Variants in HCN1 observed in about 807,000 individuals in gnomAD.
The protein encoded by HCN1 is hyperpolarization activated cyclic nucleotide gated potassium channel 1.
HCN1 carries 13 observed loss-of-function variants against 78.9 expected under a neutral mutation model. That is an observed-to-expected ratio of 0.16 (90% CI 0.11 to 0.26). HCN1 has a LOEUF of 0.26. HCN1 is among the 10% of genes least tolerant of loss of function. The pLI is 1.00. For missense variants in HCN1, 810 were observed against 1,154.3 expected, an observed-to-expected ratio of 0.70 and a Z score of 4.32; for synonymous variants, 552 against 455.5, an observed-to-expected ratio of 1.21 and a Z score of -2.70.
At chr5:45,500,477 G>A (rs540596191) in intron 2 of HCN1, among the ~76,000 whole-genome samples, 1 of 152,296 alleles carries the variant, frequency 6.6e-6, no homozygotes, top group Non-Finnish European at 1.5e-5. Flanking sequence ...CCTAAAATTA[G>A]TGGATAATAT....
chr5:45,438,912 A>C (rs903453427), intron 3 of HCN1, among the ~76,000 whole-genome samples: 8 of 152,166 alleles, frequency 5.3e-5, no homozygotes, highest in African/African-American at 1.9e-4. Flanking sequence ...CTAGCTATAG[A>C]AAGAGTATGG....
chr5:45,486,393 A>G (rs956507926), intron 2 of HCN1, among the ~76,000 whole-genome samples: 11 of 152,302 alleles, frequency 7.2e-5, no homozygotes, highest in African/African-American at 2.6e-4. Context: ...AATTCATTCT[A>G]TTACAAAAAC....
At chr5:45,404,291 C>A (rs561331779) in intron 3 of HCN1, among the ~76,000 whole-genome samples, 1 of 152,106 alleles carries the variant, frequency 6.6e-6, no homozygotes, top group South Asian at 2.1e-4. Context: ...AAGTGTTTTA[C>A]CATACAGTCC....
chr5:45,436,451 A>G (rs1476408598), intron 3 of HCN1, among the ~76,000 whole-genome samples: 1 of 152,186 alleles, frequency 6.6e-6, no homozygotes, highest in Non-Finnish European at 1.5e-5. Flanking sequence ...AATCCACTGA[A>G]TTTTAATATA....
intron 2 of HCN1, among the ~76,000 whole-genome samples, chr5:45,510,740 G>A (rs1412916900): frequency 1.3e-5 from 2 of 151,940 alleles, no homozygotes; most frequent in Admixed American, 6.6e-5. Context: ...CCACATTCCA[G>A]GTGGGCAAAA....
chr5:45,261,824 A>T lies in HCN1; in HGVS notation c.*97T>A. 1 of 1,458,014 alleles carries T rather than the reference A, an allele frequency of 6.9e-7. No homozygotes were observed. The highest frequency in any genetic ancestry group is 9.6e-7 in the Non-Finnish European group (1 of 1,045,748). The allele number at this position is 1,458,014 out of a possible 1,614,324, so 90.3% of individuals were successfully genotyped here. On this transcript the variant is annotated 3_prime_UTR_variant, in exon 8 of 8. Coordinates refer to ENST00000303230, the MANE Select transcript of HCN1 (RefSeq NM_021072.4). ...GCTGTCTAAAATATCTCTTCATAGT[A>T]GGCTAGAGGGATCTATCAGGAGATA...
chr5:45,693,355 T>C (rs929778639), intron 1 of HCN1, among the ~76,000 whole-genome samples: 9 of 151,842 alleles, frequency 5.9e-5, no homozygotes, highest in African/African-American at 2.2e-4. Flanking sequence ...ATTGTAATTA[T>C]GTTTTAAAAT....
At chr5:45,512,182 G>A (rs939838116) in intron 2 of HCN1, among the ~76,000 whole-genome samples, 3 of 152,086 alleles carry the variant, frequency 2.0e-5, no homozygotes, top group South Asian at 4.1e-4. Flanking sequence ...GAGAATAAAA[G>A]TATTTCAATC....
intron 2 of HCN1, among the ~76,000 whole-genome samples, chr5:45,632,192 C>T (rs1745280357): frequency 6.6e-6 from 1 of 151,872 alleles, no homozygotes; most frequent in South Asian, 2.1e-4. Flanking sequence ...AACCTCAATA[C>T]TCCATTCTTC....
At chr5:45,598,438 T>C (rs993472587) in intron 2 of HCN1, among the ~76,000 whole-genome samples, 16 of 152,134 alleles carry the variant, frequency 1.1e-4, no homozygotes, top group African/African-American at 3.9e-4. Flanking sequence ...AAGACTTAAA[T>C]GTTAGACCTA....
intron 2 of HCN1, among the ~76,000 whole-genome samples, chr5:45,501,426 C>CT (rs1390412549): frequency 9.3e-5 from 14 of 151,290 alleles, no homozygotes; most frequent in South Asian, 2.1e-4. Flanking sequence ...ACAAATTTCA[C>CT]TTTTTTTTTG....
At chr5:45,660,828 G>A (rs1177926996) in intron 1 of HCN1, among the ~76,000 whole-genome samples, 2 of 133,018 alleles carry the variant, frequency 1.5e-5, no homozygotes, top group Admixed American at 7.8e-5. Context: ...CATACAAAGA[G>A]ACTTAGACTC....
At chr5:45,338,746 G>T (rs1746515271) in intron 5 of HCN1, among the ~76,000 whole-genome samples, 1 of 152,040 alleles carries the variant, frequency 6.6e-6, no homozygotes, top group Non-Finnish European at 1.5e-5. Context: ...CTATCACTGT[G>T]ACTTGAATGT....
chr5:45,650,379 C>T (rs138755463), intron 1 of HCN1, among the ~76,000 whole-genome samples: 19 of 152,064 alleles, frequency 1.2e-4, no homozygotes, highest in African/African-American at 3.9e-4. Context: ...CAAAGCCTAA[C>T]GTCAACAATG....
chr5:45,376,500 C>G (rs1435965464), intron 4 of HCN1, among the ~76,000 whole-genome samples: 1 of 150,158 alleles, frequency 6.7e-6, no homozygotes, highest in African/African-American at 2.4e-5. Context: ...TTGTCAGCCT[C>G]CAGAACTGCA....
Position 45,540,326 on chromosome 5 carries a change from A to ATT in HCN1, c.850-78321_850-78320dup, listed in dbSNP as rs34797116. 1.9e-3 allele frequency among the ~76,000 whole-genome samples: 274 copies of ATT among 143,724 alleles called. 2 individuals carry two copies. The highest frequency in any genetic ancestry group is 7.0e-3 in the Admixed American group (100 of 14,386). 94.3% of individuals were successfully genotyped at this position (143,724 alleles called of 152,430 possible). On this transcript the variant is annotated intron_variant, in intron 2 of 7. Coordinates refer to ENST00000303230, the MANE Select transcript of HCN1 (RefSeq NM_021072.4). ...AAAATACTGTCTTACTATTTTACTG[A>ATT]TTTTTTTTTTTTTTTGAGAGAGAGA...
chr5:45,434,990 T>C (rs1579892574), intron 3 of HCN1, among the ~76,000 whole-genome samples: 1 of 152,072 alleles, frequency 6.6e-6, no homozygotes, highest in Non-Finnish European at 1.5e-5. Context: ...TATATTGTCT[T>C]TATGTTAAGA....
intron 2 of HCN1, chr5:45,575,416 A>G (rs924746368): frequency 4.0e-5 from 6 of 151,816 alleles, no homozygotes; most frequent in Non-Finnish European, 5.9e-5. Flanking sequence ...AACATCACAC[A>G]CCAGGGACTG....
rs751403887 is a variant in HCN1, at chr5:45,686,076, T to G, written c.425+9593A>C. 4.0e-4 allele frequency among the ~76,000 whole-genome samples: 61 copies of G among 152,030 alleles called. 1 individual carries two copies. Among genetic ancestry groups the G allele is most frequent in the Admixed American group, 1.0e-3 (16 of 15,250 alleles). The stretch of plus-strand genomic sequence containing the variant: ...GTTTATATAGCATATACAGTATATA[T>G]ACACACTATATATACTATATACCCC... On this transcript the variant is annotated intron_variant, in intron 1 of 7. Coordinates refer to ENST00000303230, the MANE Select transcript of HCN1 (RefSeq NM_021072.4).
Sources: gnomAD v4.1 joint callset for allele counts (sites outside exome capture counted in the v4.1 genomes callset) on GRCh38, gnomAD v4.1.1 for gene constraint, MANE v1.5 for transcripts, NCBI Gene and HGNC (gene_info 2026-07-23, HGNC 2026-07-21) for gene names.